JAG1: variants seen among roughly 807,000 people sequenced by gnomAD.
JAG1 encodes the protein jagged canonical Notch ligand 1.
In JAG1, 23 loss-of-function variants were observed where a neutral mutation model predicts 148.7. The ratio of observed to expected loss-of-function variants is 0.15; its 90% confidence interval spans 0.11 to 0.22. The LOEUF is 0.22. Among genes scored for constraint, JAG1 ranks in the 10% least tolerant of loss-of-function variants. JAG1 has a pLI of 1.00. For synonymous variants in JAG1, 572 were observed against 598.3 expected (o/e 0.96, Z 0.64); for missense variants, 1,054 against 1,611.2 (o/e 0.65, Z 5.92).
At chr20:10,642,654 G>T (rs1256869742) in intron 20 of JAG1, 53 bp from the exon 21 acceptor site, 4 of 1,075,394 alleles carry the variant, frequency 3.7e-6, no homozygotes, top group Non-Finnish European at 5.8e-6. Flanking sequence ...GCAATGTTTT[G>T]AGATTGTTTT....
chr20:10,645,940 C>G lies in JAG1; in HGVS notation c.1999+31G>C, dbSNP rs759070930. The stretch of plus-strand genomic sequence containing the variant: ...GATCCCTCCAACATGACCCATACAT[C>G]CCAGAGCTCCCCAAAGAGTGGCAGA... On this transcript the variant is annotated intron_variant, in intron 15 of 25. Transcript: ENST00000254958. This position sits in a 1 kb window ranked among gnomAD's most constrained non-coding sequence, Gnocchi z 6.1. 1 of 1,444,048 alleles carries G rather than the reference C, an allele frequency of 6.9e-7. No individual in the cohort carries two copies. Among genetic ancestry groups the G allele is most frequent in the East Asian group, 2.3e-5 (1 of 44,098 alleles). The allele number at this position is 1,444,048 out of a possible 1,614,324, so 89.5% of individuals were successfully genotyped here. A position where few individuals can be genotyped will look rare whatever the true frequency, so the allele number is the denominator to read the frequency against.
intron 8 of JAG1, chr20:10,650,788 G>C (rs1020735237): frequency 1.6e-4 from 39 of 238,042 alleles, no homozygotes; most frequent in Non-Finnish European, 3.3e-5. Flanking sequence ...AGCACACCTA[G>C]AGGCTGCATT....
At chr20:10,655,706 G>A (rs2067374317) in intron 5 of JAG1, among the ~76,000 whole-genome samples, 1 of 152,122 alleles carries the variant, frequency 6.6e-6, no homozygotes, top group African/African-American at 2.4e-5. Context: ...AAACACCACA[G>A]ACACCAACAA....
chr20:10,640,738 G>T, intron 25 of JAG1, 45 bp downstream of exon 25: 1 of 1,583,534 alleles, frequency 6.3e-7, no homozygotes, highest in Non-Finnish European at 8.7e-7. Context: ...AGTATAATGA[G>T]ATCATCTACT....
intron 10 of JAG1, among the ~76,000 whole-genome samples, 160 bp downstream of exon 10, chr20:10,649,362 T>C (rs1368316454): frequency 6.6e-6 from 1 of 152,142 alleles, no homozygotes; most frequent in African/African-American, 2.4e-5. Context: ...TGATAAAGTG[T>C]ATGTTTTCAC....
At chr20:10,664,413 A>ACAC (rs1568803615) in intron 2 of JAG1, among the ~76,000 whole-genome samples, 2 of 108,882 alleles carry the variant, frequency 1.8e-5, no homozygotes, top group African/African-American at 6.8e-5. Context: ...CACACACACA[A>ACAC]AGAATTTATT....
At position 10,658,403 on chromosome 20, in the gene JAG1, G is replaced by A. The variant is rs2067392448; in HGVS notation, c.694+65C>T. The A allele has an allele frequency of 6.9e-6, 11 of 1,601,752 alleles. No individual in the cohort carries two copies. The East Asian group carries it at 2.5e-4, about 36-fold the overall frequency. The stretch of plus-strand genomic sequence containing the variant: ...GATAGCCGCATGCCACCTGCCTGCT[G>A]GTGGGGTGATAAATGGACACTAAAA... On this transcript the variant is annotated intron_variant, in intron 4 of 25. Transcript: ENST00000254958.
intron 2 of JAG1, among the ~76,000 whole-genome samples, chr20:10,665,350 G>A (rs1301553459): frequency 2.0e-5 from 3 of 152,198 alleles, no homozygotes; most frequent in Non-Finnish European, 4.4e-5. Flanking sequence ...AGCAGAGTAG[G>A]ATTCCATTTC....
chr20:10,657,748 G>C (rs1038260820), intron 4 of JAG1, among the ~76,000 whole-genome samples: 2 of 152,206 alleles, frequency 1.3e-5, no homozygotes, highest in Non-Finnish European at 2.9e-5. Flanking sequence ...ACAGCACAGA[G>C]ACTAAAAGTG....
intron 3 of JAG1, among the ~76,000 whole-genome samples, chr20:10,659,292 G>C (rs1280513495): frequency 1.3e-5 from 2 of 152,230 alleles, no homozygotes; most frequent in Non-Finnish European, 2.9e-5. Flanking sequence ...CTTTCTGGTA[G>C]TTACAAAACC....
chr20:10,640,867 C>T lies in JAG1; in HGVS notation c.3115G>A (p.Val1039Ile), dbSNP rs757067625. The T allele has an allele frequency of 1.2e-6, 2 of 1,614,170 alleles. No homozygotes were observed. Among genetic ancestry groups the T allele is most frequent in the South Asian group, 1.1e-5 (1 of 91,086 alleles). The stretch of plus-strand genomic sequence containing the variant: ...GAGCTGTTTCCATCACGTTTACTAA[C>T]AAGATCGATTATTTTGTCAGTGATT... ...KEITDKIIDLVSKRDGNSSLI... is the reference protein window; with the variant it reads ...KEITDKIIDLISKRDGNSSLI... Residue 1039 changes from valine (V) to isoleucine (I), a missense_variant, in exon 25 of 26, where the codon GTT (valine) becomes ATT (isoleucine). Transcript: ENST00000254958.
chr20:10,663,996 C>A lies in JAG1; in HGVS notation c.406G>T (p.Val136Leu), dbSNP rs746158749. 5 of 1,613,980 alleles carry A rather than the reference C, an allele frequency of 3.1e-6. No individual in the cohort carries two copies. Among genetic ancestry groups the A allele is most frequent in the Non-Finnish European group, 4.2e-6 (5 of 1,179,840 alleles). The change falls in exon 3 of 26, where the codon GTG becomes TTG. Residue 136 changes from valine to leucine, a missense_variant. This residue lies in a region of JAG1 where 151 missense variants were observed against 211.1 expected (regional missense o/e 0.72). Transcript: ENST00000254958. The stretch of plus-strand genomic sequence containing the variant: ...TCATTACTGGAATCCCACGCCTCCA[C>A]AAGCAACGTATAGGACCTCTGCAAG... ...FAWPRSYTLL[V>L]EAWDSSNDTV...
In JAG1 at chr20:10,673,632, C is replaced by G. The variant is rs1277576555; in HGVS notation, c.-102G>C. 11 of 479,828 alleles carry G rather than the reference C, an allele frequency of 2.3e-5. No homozygotes were observed. In the East Asian group the frequency reaches 4.9e-4, roughly 21 times the overall value. 29.7% of individuals were successfully genotyped at this position (479,828 alleles called of 1,614,324 possible). ...GCCGCTGCCCCTGCGGCCGCCGCGT[C>G]CCGGCTCTAATATACTCCGCCGATT... is the stretch of plus-strand genomic sequence containing the variant. On this transcript the variant is annotated 5_prime_UTR_variant, in exon 1 of 26. Coordinates refer to ENST00000254958, the MANE Select transcript of JAG1 (RefSeq NM_000214.3). The surrounding 1 kb of genome is among the most constrained non-coding windows in gnomAD (Gnocchi z 4.7).
intron 4 of JAG1, 52 bp downstream of exon 4, chr20:10,658,416 A>G: frequency 6.2e-7 from 1 of 1,608,550 alleles, no homozygotes; most frequent in Non-Finnish European, 8.5e-7. Context: ...GGGGTGATAA[A>G]TGGACACTAA....
Position 10,639,930 on chromosome 20 carries a change from A to G in JAG1, c.3225T>C (p.Ser1075=). 1 of 1,614,200 alleles carries G rather than the reference A, an allele frequency of 6.2e-7. No individual in the cohort carries two copies. Among genetic ancestry groups the G allele is most frequent in the South Asian group, 1.1e-5 (1 of 91,090 alleles). ...AACAGATCCAAGCCACAGTTAAGAC[A>G]GAGCTCAGCAAGGGAACAAGGAAAT... The part of the protein sequence containing the change: ...RTDFLVPLLS[S]VLTVAWICCL... Residue 1075 remains serine (S), a synonymous_variant, in exon 26 of 26, where the codon TCT becomes TCC. Transcript: ENST00000254958.
At chr20:10,667,671 G>A (rs538640861) in intron 2 of JAG1, among the ~76,000 whole-genome samples, 3 of 152,168 alleles carry the variant, frequency 2.0e-5, no homozygotes, top group East Asian at 1.9e-4. Flanking sequence ...AATAGAGTCC[G>A]ATCTGGTTAC....
chr20:10,655,623 A>C (rs1490292454), intron 5 of JAG1, among the ~76,000 whole-genome samples: 1 of 152,212 alleles, frequency 6.6e-6, no homozygotes, highest in Non-Finnish European at 1.5e-5. Context: ...CAAAAGTGAC[A>C]GGCTCAAAGG....
chr20:10,667,578 A>G (rs944022478), intron 2 of JAG1, among the ~76,000 whole-genome samples: 1 of 152,208 alleles, frequency 6.6e-6, no homozygotes, highest in African/African-American at 2.4e-5. Context: ...GGAAAGTGAG[A>G]TAAGAAAGGA....
intron 20 of JAG1, among the ~76,000 whole-genome samples, chr20:10,643,273 A>C (rs2067285739): frequency 6.6e-6 from 1 of 152,212 alleles, no homozygotes; most frequent in African/African-American, 2.4e-5. Context: ...AGTAGAGAAA[A>C]GGCTCAAAAT....
Sources: allele counts gnomAD v4.1 joint callset (sites outside exome capture counted in the v4.1 genomes callset), GRCh38; gene constraint gnomAD v4.1.1; regional missense constraint gnomAD v4.1.1; non-coding constraint Gnocchi (gnomAD v3.1); transcripts MANE v1.5; gene names NCBI Gene and HGNC (gene_info 2026-07-23, HGNC 2026-07-21).